The following REPS2 variants were observed in gnomAD, a reference collection of about 807,000 sequenced individuals.
REPS2 encodes the protein ralBP1-associated Eps domain-containing protein 2.
In REPS2, 23 loss-of-function variants were observed where a neutral mutation model predicts 53.6. The ratio of observed to expected loss-of-function variants is 0.43; its 90% CI spans 0.31 to 0.61. The LOEUF (loss-of-function observed/expected upper bound fraction) is 0.61, where lower values mean the gene tolerates loss of function less well. REPS2 is among the 20% of genes least tolerant of loss of function. The pLI, the probability that REPS2 is intolerant of heterozygous loss-of-function variation, is 0.11. For missense variants in REPS2, 446 were observed against 534.9 expected (o/e 0.83, Z 1.64); for synonymous variants, 238 against 218.6 (o/e 1.09, Z -0.78).
chrX:17,058,100 C>G (rs1433556613), intron 8 of REPS2, among the ~76,000 whole-genome samples: 2 of 111,708 alleles, frequency 1.8e-5, no homozygotes, highest in Non-Finnish European at 3.8e-5. Context: ...CATGCCATGA[C>G]TCCTTATTTG....
intron 14 of REPS2, among the ~76,000 whole-genome samples, chrX:17,117,933 C>T (rs1484267060): frequency 2.0e-5 from 2 of 101,885 alleles, no homozygotes; most frequent in Non-Finnish European, 4.0e-5. Context: ...CTCTCCAGCA[C>T]CTGTTGTTTC....
intron 5 of REPS2, among the ~76,000 whole-genome samples, chrX:17,040,206 T>C (rs1175654836): frequency 8.9e-6 from 1 of 112,780 alleles, no homozygotes; most frequent in Non-Finnish European, 1.9e-5. Context: ...TCTATAATTA[T>C]TTTGAAATAA....
chrX:16,984,060 A>C (rs2061058219), intron 1 of REPS2, among the ~76,000 whole-genome samples: 1 of 112,801 alleles, frequency 8.9e-6, no homozygotes, highest in African/African-American at 3.2e-5. Flanking sequence ...AAAACTTAGC[A>C]CTTTAACACA....
At chrX:17,133,705 G>T in intron 14 of REPS2, 119 bp from the exon 15 acceptor site, 1 of 601,302 alleles carries the variant, frequency 1.7e-6, no homozygotes, top group Non-Finnish European at 2.8e-6. Flanking sequence ...AAGCATTCTT[G>T]GCTGCAACTT....
intron 8 of REPS2, among the ~76,000 whole-genome samples, chrX:17,060,252 G>A (rs749946938): frequency 9.0e-6 from 1 of 110,997 alleles, no homozygotes; most frequent in East Asian, 2.8e-4. Context: ...GCAGTGAGCC[G>A]AGATTGCGTC....
chrX:17,026,830 CA>C (rs753747507), intron 4 of REPS2, among the ~76,000 whole-genome samples: 1 of 111,877 alleles, frequency 8.9e-6, no homozygotes, highest in Non-Finnish European at 1.9e-5. Flanking sequence ...CTTTGTCACT[CA>C]GGCTGGAGTG....
intron 1 of REPS2, among the ~76,000 whole-genome samples, chrX:16,977,926 A>G (rs1465920858): frequency 9.1e-6 from 1 of 110,382 alleles, no homozygotes; most frequent in African/African-American, 3.3e-5. Flanking sequence ...TTCTAATTCT[A>G]AGATAGCTTC....
intron 1 of REPS2, among the ~76,000 whole-genome samples, chrX:16,952,191 T>A: frequency 9.0e-6 from 1 of 111,474 alleles, no homozygotes; most frequent in Non-Finnish European, 1.9e-5. Context: ...ACCCATCATC[T>A]ACATTAGGTA....
intron 13 of REPS2, 86 bp downstream of exon 13, chrX:17,077,493 G>A (rs2062397926): frequency 5.1e-6 from 5 of 982,536 alleles, no homozygotes; most frequent in Non-Finnish European, 6.8e-6. Context: ...CTGTGAGTCC[G>A]GAGAAAGAGC....
chrX:17,149,516 G>A lies in REPS2; in HGVS notation c.*2035G>A, dbSNP rs994471027. On this transcript the variant is annotated 3_prime_UTR_variant, in exon 18 of 18. Transcript: ENST00000357277. ...AGATGGGATTTTGTCATGTTGGCTA[G>A]GCTAGTCTCGAATTCCTGACCTCAA... The A allele has an allele frequency of 3.5e-5, 4 of 113,716 alleles. No individual in the cohort carries two copies. The highest frequency in any genetic ancestry group is 1.3e-4 in the African/African-American group (4 of 30,856). 9.4% of individuals were successfully genotyped at this position (113,716 alleles called of 1,213,427 possible).
At chrX:16,993,567 T>A (rs2061188193) in intron 1 of REPS2, among the ~76,000 whole-genome samples, 1 of 111,719 alleles carries the variant, frequency 9.0e-6, no homozygotes, top group African/African-American at 3.3e-5. Context: ...AAAATGAAGG[T>A]ACCCAGACAA....
the REPS2 span, among the ~76,000 whole-genome samples, chrX:17,182,763 A>T: frequency 8.9e-6 from 1 of 112,576 alleles, no homozygotes; most frequent in Non-Finnish European, 1.9e-5. Context: ...TTGACGTGAA[A>T]CAAGAATAGT....
intron 12 of REPS2, among the ~76,000 whole-genome samples, chrX:17,074,869 G>C (rs1334652084): frequency 9.0e-6 from 1 of 111,684 alleles, no homozygotes; most frequent in Non-Finnish European, 1.9e-5. Flanking sequence ...TGTGTTTTCT[G>C]TTTTGCTTTG....
intron 16 of REPS2, chrX:17,136,765 A>G (rs980582695): frequency 1.8e-5 from 2 of 112,050 alleles, no homozygotes; most frequent in Admixed American, 9.5e-5. Context: ...AAAATAATAT[A>G]TATCCACGCC....
At chrX:17,093,201 A>ATATATATATATATATATATATT (rs2062647822) in intron 13 of REPS2, among the ~76,000 whole-genome samples, 1 of 22,515 alleles carries the variant, frequency 4.4e-5, no homozygotes, top group Non-Finnish European at 7.2e-5. Context: ...TATATATATA[A>ATATATATATATATATATATATT]TTTTTTTTTT....
At chrX:17,124,819 AT>A (rs1021843018) in intron 14 of REPS2, among the ~76,000 whole-genome samples, 2 of 104,314 alleles carry the variant, frequency 1.9e-5, no homozygotes, top group Non-Finnish European at 3.9e-5. Context: ...AAAGTTACCT[AT>A]TATCCACACC....
chrX:16,961,861 C>CA (rs1397314170), intron 1 of REPS2, among the ~76,000 whole-genome samples: 1 of 111,924 alleles, frequency 8.9e-6, no homozygotes, highest in African/African-American at 3.2e-5. Context: ...CCAAAGAAGC[C>CA]ATACAAATGG....
intron 3 of REPS2, among the ~76,000 whole-genome samples, chrX:17,024,522 G>T (rs2061616441): frequency 9.3e-6 from 1 of 107,222 alleles, no homozygotes; most frequent in South Asian, 4.1e-4. Flanking sequence ...TGGTTGGAAT[G>T]GTTTACCTAT....
chrX:17,107,770 T>C (rs750717407), intron 14 of REPS2, among the ~76,000 whole-genome samples: 1 of 112,424 alleles, frequency 8.9e-6, no homozygotes, highest in South Asian at 3.7e-4. Flanking sequence ...CACATTTTCC[T>C]GTGGCAAGAC....
Sources: allele counts gnomAD v4.1 joint callset (sites outside exome capture counted in the v4.1 genomes callset), GRCh38; gene constraint gnomAD v4.1.1; transcripts MANE v1.5; gene names NCBI Gene and HGNC (gene_info 2026-07-23, HGNC 2026-07-21).